SUSD1: variants seen among roughly 807,000 people sequenced by gnomAD.
SUSD1 encodes sushi domain containing 1, also known as sushi domain-containing protein 1.
Under a neutral mutation model 86.9 loss-of-function variants are expected in SUSD1, and 65 were observed. The observed-to-expected ratio is 0.75, with a 90% CI of 0.61 to 0.92. The LOEUF is 0.92. Among genes scored for constraint, SUSD1 ranks in the 40% least tolerant of loss-of-function variants. The pLI is 0.00. For synonymous variants in SUSD1, 346 were observed against 350.0 expected (o/e 0.99, Z 0.13); for missense variants, 850 against 929.7 (o/e 0.91, Z 1.11).
chr9:112,094,987 T>C (rs984048257), intron 10 of SUSD1, among the ~76,000 whole-genome samples: 2 of 152,114 alleles, frequency 1.3e-5, no homozygotes, highest in African/African-American at 2.4e-5. Flanking sequence ...GCCTGGGAAA[T>C]AGAGCTGTAT....
At chr9:112,079,688 C>A (rs1333908301) in intron 11 of SUSD1, among the ~76,000 whole-genome samples, 1 of 151,986 alleles carries the variant, frequency 6.6e-6, no homozygotes, top group Non-Finnish European at 1.5e-5. Flanking sequence ...CAGAAACCTC[C>A]ACCTCTTGGG....
intron 12 of SUSD1, among the ~76,000 whole-genome samples, chr9:112,073,100 G>A (rs570854704): frequency 2.6e-5 from 4 of 152,332 alleles, no homozygotes; most frequent in East Asian, 3.9e-4. Context: ...TGTGGAGGGC[G>A]GTGTCAGAGG....
chr9:112,150,850 G>A (rs1426729711), intron 2 of SUSD1, among the ~76,000 whole-genome samples: 1 of 152,208 alleles, frequency 6.6e-6, no homozygotes, highest in Non-Finnish European at 1.5e-5. Context: ...ACCATGAAAT[G>A]GAACTTGCAG....
intron 5 of SUSD1, among the ~76,000 whole-genome samples, chr9:112,138,374 A>G (rs1465487936): frequency 1.4e-5 from 2 of 147,538 alleles, no homozygotes; most frequent in Non-Finnish European, 3.0e-5. Flanking sequence ...TTATCTGTAT[A>G]TAGGAACTTT....
rs967991611 is a variant in SUSD1 at position 112,143,576 on chromosome 9, A to G, written c.421T>C (p.Cys141Arg). 5.0e-6 allele frequency: 8 copies of G among 1,613,948 alleles called. No individual in the cohort carries two copies. Among genetic ancestry groups the G allele is most frequent in the South Asian group, 1.1e-5 (1 of 91,056 alleles). ...VSGLCRHGGRCVNTHGSFECY... is the reference protein window; with the variant it reads ...VSGLCRHGGRRVNTHGSFECY... ...TCAAAGCTCCCATGAGTGTTCACGC[A>G]TCGCCCTCCATGCCTGCACAGGCCA... Residue 141 changes from cysteine to arginine, a missense_variant, in exon 4 of 17, where the codon TGC becomes CGC. Cys to Arg is a radical substitution (Grantham distance 180). Transcript: ENST00000374270.
At chr9:112,044,557 T>G (rs1032739948) in intron 15 of SUSD1, among the ~76,000 whole-genome samples, 2 of 152,226 alleles carry the variant, frequency 1.3e-5, no homozygotes. Flanking sequence ...CTGTTTCAGA[T>G]CATTGGGGAA....
intron 1 of SUSD1, among the ~76,000 whole-genome samples, chr9:112,169,588 G>A (rs919545595): frequency 6.6e-6 from 1 of 151,748 alleles, no homozygotes; most frequent in African/African-American, 2.4e-5. Flanking sequence ...CACACCCTAC[G>A]GTTCACGTCA....
chr9:112,110,288 G>A (rs1221003339), intron 8 of SUSD1, among the ~76,000 whole-genome samples: 1 of 152,162 alleles, frequency 6.6e-6, no homozygotes, highest in African/African-American at 2.4e-5. Context: ...AGCAAAGATT[G>A]CAGTGAGCTG....
rs751789277 is a variant in SUSD1, at chr9:112,098,704, T to A, written c.1282-42A>T. 8 of 1,592,290 alleles carry A rather than the reference T, an allele frequency of 5.0e-6. No individual in the cohort carries two copies. The East Asian group carries it at 1.6e-4, about 31-fold the overall frequency. On this transcript the variant is annotated intron_variant, in intron 9 of 16. Coordinates refer to ENST00000374270, the MANE Select transcript of SUSD1 (RefSeq NM_022486.5). The stretch of plus-strand genomic sequence containing the variant: ...AGAAAGTGTTACATTAGATTTTCCA[T>A]TGACTAACAGGTGCCTAGACTATTA...
At chr9:112,110,563 C>CTTTTTTTTTTTTTTTT (rs913064649) in intron 8 of SUSD1, among the ~76,000 whole-genome samples, 1 of 143,490 alleles carries the variant, frequency 7.0e-6, no homozygotes, top group African/African-American at 2.5e-5. Context: ...AATTTTCTTT[C>CTTTTTTTTTTTTTTTT]TTTTTTTTTT....
intron 8 of SUSD1, among the ~76,000 whole-genome samples, chr9:112,102,589 A>C (rs750561262): frequency 6.6e-6 from 1 of 152,256 alleles, no homozygotes; most frequent in Non-Finnish European, 1.5e-5. Flanking sequence ...CTATAAATTA[A>C]TAAAGAAAGC....
At chr9:112,120,335 G>A (rs1831500961) in intron 6 of SUSD1, among the ~76,000 whole-genome samples, 1 of 151,932 alleles carries the variant, frequency 6.6e-6, no homozygotes, top group African/African-American at 2.4e-5. Context: ...GAGACAGTTG[G>A]GATGAGGGGA....
chr9:112,095,421 C>T (rs1168813567), intron 10 of SUSD1, among the ~76,000 whole-genome samples: 1 of 152,122 alleles, frequency 6.6e-6, no homozygotes, highest in Non-Finnish European at 1.5e-5. Flanking sequence ...GAAAAGGAAG[C>T]GGGAGCAAGA....
At chr9:112,138,255 A>ATATGTATATACACATATATATATATATG (rs1832383872) in intron 5 of SUSD1, among the ~76,000 whole-genome samples, 1 of 101,022 alleles carries the variant, frequency 9.9e-6, no homozygotes, top group African/African-American at 4.2e-5. Flanking sequence ...ATATATATAT[A>ATATGTATATACACATATATATATATATG]TGTGTATATA....
chr9:112,076,405 G>A (rs1471023163), intron 12 of SUSD1, among the ~76,000 whole-genome samples: 1 of 152,186 alleles, frequency 6.6e-6, no homozygotes, highest in Non-Finnish European at 1.5e-5. Flanking sequence ...GGATGGGATA[G>A]AACCAATTAG....
chr9:112,158,612 G>A (rs1833440616), intron 1 of SUSD1, among the ~76,000 whole-genome samples: 1 of 151,966 alleles, frequency 6.6e-6, no homozygotes, highest in African/African-American at 2.4e-5. Flanking sequence ...GGCTGGTCTC[G>A]AACCCCTGAG....
intron 12 of SUSD1, among the ~76,000 whole-genome samples, chr9:112,063,601 C>T (rs1227525333): frequency 6.6e-6 from 1 of 152,132 alleles, no homozygotes; most frequent in East Asian, 1.9e-4. Context: ...AATCACAGAG[C>T]TCTCTGTCCT....
chr9:112,060,642 G>C (rs1282077251), intron 13 of SUSD1, among the ~76,000 whole-genome samples: 1 of 152,210 alleles, frequency 6.6e-6, no homozygotes, highest in Non-Finnish European at 1.5e-5. Context: ...TCAGCCAAGG[G>C]CTTTCTACAA....
intron 14 of SUSD1, among the ~76,000 whole-genome samples, chr9:112,056,736 G>A (rs963128587): frequency 3.4e-4 from 51 of 152,014 alleles, no homozygotes; most frequent in African/African-American, 1.2e-3. Context: ...GTGTGTGTGT[G>A]AGACAGGGTC....
Sources: allele counts gnomAD v4.1 joint callset (sites outside exome capture counted in the v4.1 genomes callset), GRCh38; gene constraint gnomAD v4.1.1; transcripts MANE v1.5; gene names NCBI Gene and HGNC (gene_info 2026-07-23, HGNC 2026-07-21).